HEYL: variants seen among roughly 807,000 people sequenced by gnomAD.
HEYL encodes hairy/enhancer-of-split related with YRPW motif-like protein.
A neutral mutation model predicts 18.6 loss-of-function variants in HEYL; 12 were observed. The ratio of observed to expected loss-of-function variants is 0.65; its 90% CI spans 0.41 to 1.05. HEYL has a LOEUF of 1.05. Among genes scored for constraint, HEYL ranks in the 50% least tolerant of loss-of-function variants. HEYL has a pLI of 0.00. For synonymous variants in HEYL, 159 were observed against 179.6 expected (o/e 0.89, Z 0.91); for missense variants, 420 against 444.7 (o/e 0.94, Z 0.50).
chr1:39,629,660 G>A (rs901250932), intron 4 of HEYL, among the ~76,000 whole-genome samples: 27 of 152,204 alleles, frequency 1.8e-4, no homozygotes, highest in African/African-American at 6.5e-4. Context: ...TGAGTAGACA[G>A]AATTTCTATT....
chr1:39,635,866 G>A (rs1204908967), intron 1 of HEYL, among the ~76,000 whole-genome samples: 1 of 152,224 alleles, frequency 6.6e-6, no homozygotes, highest in Non-Finnish European at 1.5e-5. Flanking sequence ...ACAGTGGGAT[G>A]AGGTGTGGGA....
intron 1 of HEYL, among the ~76,000 whole-genome samples, chr1:39,634,794 C>T (rs1338475261): frequency 6.6e-6 from 1 of 152,212 alleles, no homozygotes; most frequent in African/African-American, 2.4e-5. Context: ...TCCATAAGCT[C>T]CATGAGGCCA....
intron 1 of HEYL, among the ~76,000 whole-genome samples, chr1:39,636,164 GTAAAA>G (rs1290697627): frequency 2.0e-5 from 3 of 152,044 alleles, no homozygotes; most frequent in African/African-American, 4.8e-5. Flanking sequence ...GAGTCCATTT[GTAAAA>G]TAAGGAAACT....
In HEYL at chr1:39,626,812, T is replaced by C. The variant is rs1646301325; in HGVS notation, c.682A>G (p.Ile228Val). Residue 228 changes from isoleucine to valine, a missense_variant, in exon 5 of 5, where the codon ATC (isoleucine) becomes GTC (valine). Transcript: ENST00000372852. ...RTAPLRRATG[I>V]ILPARRNVLP... Reference sequence around the variant, plus strand: ...ACATTCCTCCGGGCTGGCAGGATGATGCCTGTGGCTCTGCGAAGGGGAGCG... The same window carrying C: ...ACATTCCTCCGGGCTGGCAGGATGACGCCTGTGGCTCTGCGAAGGGGAGCG... The C allele has an allele frequency of 6.4e-7, 1 of 1,564,810 alleles. No individual in the cohort carries two copies. Among genetic ancestry groups the C allele is most frequent in the Non-Finnish European group, 8.7e-7 (1 of 1,154,390 alleles).
At chr1:39,628,906 GT>G (rs1199224130) in intron 4 of HEYL, among the ~76,000 whole-genome samples, 1 of 97,788 alleles carries the variant, frequency 1.0e-5, no homozygotes, top group Non-Finnish European at 2.0e-5. Flanking sequence ...CCGGCCCGCT[GT>G]TTTTTTCTAA....
rs772226518 is a variant in HEYL, at chr1:39,626,895, G to C, written c.599C>G (p.Pro200Arg). The C allele has an allele frequency of 1.2e-6, 2 of 1,607,922 alleles. No homozygotes were observed. The highest frequency in any genetic ancestry group is 1.1e-5 in the South Asian group (1 of 90,406). ...GGAGACACCGGGGAGGACAGGGCTG[G>C]GCACTCTTCCCAGGATGGCGAGCTG... ...SNQLAILGRV[P>R]SPVLPGVSSP... is the part of the protein sequence containing the mutation. Residue 200 changes from proline (P) to arginine (R), a missense_variant, in exon 5 of 5, where the codon CCC (proline) becomes CGC (arginine). Physicochemically the swap from Pro to Arg is moderately radical, Grantham distance 103. Transcript: ENST00000372852.
At chr1:39,632,801 G>A (rs1474207937) in intron 1 of HEYL, 86 bp from the exon 2 acceptor site, 6 of 1,580,852 alleles carry the variant, frequency 3.8e-6, no homozygotes, top group South Asian at 1.2e-5. Flanking sequence ...AGGAGCCACA[G>A]GCTGGGCCTA....
At chr1:39,639,491 C>T in intron 1 of HEYL, 55 bp downstream of exon 1, 7 of 1,455,790 alleles carry the variant, frequency 4.8e-6, no homozygotes, top group Non-Finnish European at 6.5e-6. Flanking sequence ...CCCGTCGGGC[C>T]GACCCCCACC....
rs1013070542 is a variant in HEYL at position 39,624,041 on chromosome 1, G to C, written c.*2466C>G. 2.0e-5 allele frequency: 3 copies of C among 152,304 alleles called. No homozygotes were observed. Among genetic ancestry groups the C allele is most frequent in the Non-Finnish European group, 4.4e-5 (3 of 68,090 alleles). The allele number at this position is 152,304 out of a possible 1,614,324, so 9.4% of individuals were successfully genotyped here. A position where few individuals can be genotyped will look rare whatever the true frequency, so the allele number is the denominator to read the frequency against. ...ACAAAGCAAGAGGGAAGACCTTTCT[G>C]AGGCCAGGGCAGTGATCTGGGGGAG... On this transcript the variant is annotated 3_prime_UTR_variant, in exon 5 of 5. Transcript: ENST00000372852.
chr1:39,626,340 T>G lies in HEYL; in HGVS notation c.*167A>C. 4.9e-6 allele frequency: 3 copies of G among 606,190 alleles called. No homozygotes were observed. Among genetic ancestry groups the G allele is most frequent in the Non-Finnish European group, 5.6e-6 (2 of 356,734 alleles). 37.6% of individuals were successfully genotyped at this position (606,190 alleles called of 1,614,324 possible). A position where few individuals can be genotyped will look rare whatever the true frequency, so the allele number is the denominator to read the frequency against. On this transcript the variant is annotated 3_prime_UTR_variant, in exon 5 of 5. Transcript: ENST00000372852. ...CTGGGTGGATAAGCTGGGATAACAG[T>G]GAGAAGGAGAGATGGGTTGGAGGAG...
chr1:39,630,580 AC>A (rs1646327906), intron 3 of HEYL, among the ~76,000 whole-genome samples: 1 of 151,940 alleles, frequency 6.6e-6, no homozygotes, highest in South Asian at 2.1e-4. Flanking sequence ...CTCTCCTTTC[AC>A]CATGCCTCTT....
At chr1:39,632,116 G>A (rs1646336652) in intron 2 of HEYL, among the ~76,000 whole-genome samples, 1 of 152,204 alleles carries the variant, frequency 6.6e-6, no homozygotes, top group African/African-American at 2.4e-5. Context: ...GAAGTGGTTT[G>A]CCTAAGGGCT....
At chr1:39,628,686 C>T (rs1321901021) in intron 4 of HEYL, among the ~76,000 whole-genome samples, 1 of 152,202 alleles carries the variant, frequency 6.6e-6, no homozygotes, top group Non-Finnish European at 1.5e-5. Context: ...AAAGCTCCGC[C>T]TTCTGGGTTC....
rs1646289748 is a variant in HEYL at position 39,625,285 on chromosome 1, G to C, written c.*1222C>G. 1 of 152,266 alleles carries C rather than the reference G, an allele frequency of 6.6e-6. No individual in the cohort carries two copies. The highest frequency in any genetic ancestry group is 1.5e-5 in the Non-Finnish European group (1 of 68,076). The allele number at this position is 152,266 out of a possible 1,614,324, so 9.4% of individuals were successfully genotyped here. A position where few individuals can be genotyped will look rare whatever the true frequency, so the allele number is the denominator to read the frequency against. On this transcript the variant is annotated 3_prime_UTR_variant, in exon 5 of 5. Transcript: ENST00000372852. ...AGTCCAGGCTCCGCTGTTCTGCTGG[G>C]AACGACTGCTGGACCATTTGTTTCC...
Position 39,632,687 on chromosome 1 carries a change from T to TG in HEYL, c.108dup (p.Ser37GlnfsTer26). On this transcript the variant is annotated frameshift_variant, in exon 2 of 5. Coordinates refer to ENST00000372852, the MANE Select transcript of HEYL (RefSeq NM_014571.4). LOFTEE classifies it high-confidence loss of function. ...TTCCTGGCTTGCATCTGCGAAGAGCTGGGGGTGGACAGCGGCCTGGCCATC... is the reference window on the plus strand; with the variant it reads ...TTCCTGGCTTGCATCTGCGAAGAGCTGGGGGGTGGACAGCGGCCTGGCCATC... The TG allele has an allele frequency of 6.2e-7, 1 of 1,613,806 alleles. No homozygotes were observed. The highest frequency in any genetic ancestry group is 2.2e-5 in the East Asian group (1 of 44,812).
In HEYL at chr1:39,624,840, G is replaced by A. The variant is rs1460520117; in HGVS notation, c.*1667C>T. 6.6e-6 allele frequency: 1 copy of A among 152,206 alleles called. No individual in the cohort carries two copies. The highest frequency in any genetic ancestry group is 1.5e-5 in the Non-Finnish European group (1 of 68,058). The allele number at this position is 152,206 out of a possible 1,614,324, so 9.4% of individuals were successfully genotyped here. A position where few individuals can be genotyped will look rare whatever the true frequency, so the allele number is the denominator to read the frequency against. Reference sequence around the variant, plus strand: ...TGCTTTCCTCTTTATCTCTCCTTGAGGAGTCTGTCTTTTCAAAAGAGCTTT... The same window carrying A: ...TGCTTTCCTCTTTATCTCTCCTTGAAGAGTCTGTCTTTTCAAAAGAGCTTT... On this transcript the variant is annotated 3_prime_UTR_variant, in exon 5 of 5. Coordinates refer to ENST00000372852, the MANE Select transcript of HEYL (RefSeq NM_014571.4).
chr1:39,631,291 A>G (rs1389542163), intron 3 of HEYL, among the ~76,000 whole-genome samples: 1 of 141,460 alleles, frequency 7.1e-6, no homozygotes, highest in Admixed American at 7.0e-5. Context: ...TTGAGGAGTC[A>G]ATTCAATGGG....
chr1:39,639,626 G>A lies in HEYL; in HGVS notation c.-1C>T. The A allele has an allele frequency of 6.4e-7, 1 of 1,552,974 alleles. No homozygotes were observed. The highest frequency in any genetic ancestry group is 8.6e-7 in the Non-Finnish European group (1 of 1,156,094). ...CGCTCGGCTCCTTGGGTCGCTTCAT[G>A]GCGAACGCAGGCTGCCTGGTCTCAG... On this transcript the variant is annotated 5_prime_UTR_variant, in exon 1 of 5. Coordinates refer to ENST00000372852, the MANE Select transcript of HEYL (RefSeq NM_014571.4).
rs768674465 is a variant in HEYL, at chr1:39,639,612, T to C, written c.14A>G (p.Lys5Arg). 1 of 1,568,916 alleles carries C rather than the reference T, an allele frequency of 6.4e-7. No individual in the cohort carries two copies. Among genetic ancestry groups the C allele is most frequent in the Non-Finnish European group, 8.6e-7 (1 of 1,163,352 alleles). MKRP[K>R]EPSGSDGESD... is the part of the protein sequence containing the mutation. Reference sequence around the variant, plus strand: ...CTCCCCGTCGGAGCCGCTCGGCTCCTTGGGTCGCTTCATGGCGAACGCAGG... The same window carrying C: ...CTCCCCGTCGGAGCCGCTCGGCTCCCTGGGTCGCTTCATGGCGAACGCAGG... The change falls in exon 1 of 5, where the codon AAG (lysine) becomes AGG (arginine). Residue 5 changes from lysine to arginine, a missense_variant. By Grantham distance (26) the Lys-to-Arg change is conservative. Coordinates refer to ENST00000372852, the MANE Select transcript of HEYL (RefSeq NM_014571.4).
Sources: gnomAD v4.1 joint callset for allele counts (sites outside exome capture counted in the v4.1 genomes callset) on GRCh38, gnomAD v4.1.1 for gene constraint, MANE v1.5 for transcripts, NCBI Gene and HGNC (gene_info 2026-07-23, HGNC 2026-07-21) for gene names.